Variants in ARL8B observed in about 807,000 individuals in gnomAD.
ARL8B encodes the protein ARF like GTPase 8B, also known as ADP-ribosylation factor-like protein 8B.
ARL8B carries 9 observed loss-of-function variants against 30.6 expected under a neutral mutation model. The observed-to-expected ratio is 0.29, with a 90% confidence interval of 0.18 to 0.51. The LOEUF is 0.51. Among genes scored for constraint, ARL8B ranks in the 20% least tolerant of loss-of-function variants. ARL8B has a pLI of 0.97. For synonymous variants in ARL8B, 74 were observed against 76.0 expected (o/e 0.97, Z 0.14); for missense variants, 130 against 227.2 (o/e 0.57, Z 2.75).
At chr3:5,151,643 A>C (rs1030581651) in intron 1 of ARL8B, among the ~76,000 whole-genome samples, 3 of 151,996 alleles carry the variant, frequency 2.0e-5, no homozygotes, top group Non-Finnish European at 2.9e-5. Context: ...GTTTAATTCC[A>C]TTATGGTGAA....
chr3:5,148,353 G>C lies in ARL8B; in HGVS notation c.124-22150G>C, dbSNP rs1338443595. Among the ~76,000 whole-genome samples the C allele has an allele frequency of 2.6e-5, 4 of 152,190 alleles. No individual in the cohort carries two copies. In the South Asian group the frequency reaches 8.3e-4, roughly 32 times the overall value. Reference sequence around the variant, plus strand: ...TGCTAGATGCCTGCTGTGTGGAAGGGATAGGGAAGTTCTCAGTATCCCTCT... The same window carrying C: ...TGCTAGATGCCTGCTGTGTGGAAGGCATAGGGAAGTTCTCAGTATCCCTCT... On this transcript the variant is annotated intron_variant, in intron 1 of 6. Coordinates refer to ENST00000256496, the MANE Select transcript of ARL8B (RefSeq NM_018184.3).
At chr3:5,125,536 C>CTTT (rs66519927) in intron 1 of ARL8B, among the ~76,000 whole-genome samples, 2 of 141,952 alleles carry the variant, frequency 1.4e-5, no homozygotes, top group African/African-American at 2.6e-5. Context: ...CCACCATTAT[C>CTTT]TTTTTTTTTT....
intron 1 of ARL8B, among the ~76,000 whole-genome samples, chr3:5,168,736 T>G (rs560992806): frequency 7.5e-4 from 115 of 152,338 alleles, no homozygotes; most frequent in Middle Eastern, 3.4e-3. Flanking sequence ...GAGAACACAT[T>G]AAATCATGTT....
intron 1 of ARL8B, among the ~76,000 whole-genome samples, chr3:5,151,016 C>CT (rs1245218352): frequency 6.6e-6 from 1 of 151,684 alleles, no homozygotes; most frequent in East Asian, 1.9e-4. Flanking sequence ...TCTTATTTAT[C>CT]TTTTTTAATG....
chr3:5,140,587 G>A (rs555140999), intron 1 of ARL8B, among the ~76,000 whole-genome samples: 3 of 149,076 alleles, frequency 2.0e-5, no homozygotes, highest in Non-Finnish European at 4.4e-5. Flanking sequence ...ATTTCAACAC[G>A]TTAGTCTTTA....
chr3:5,138,249 A>G (rs1443235024), intron 1 of ARL8B, among the ~76,000 whole-genome samples: 1 of 149,902 alleles, frequency 6.7e-6, no homozygotes, highest in African/African-American at 2.5e-5. Flanking sequence ...ACAACCTCTC[A>G]ATTTATCATG....
chr3:5,137,061 T>C (rs986966205), intron 1 of ARL8B, among the ~76,000 whole-genome samples: 9 of 152,094 alleles, frequency 5.9e-5, no homozygotes, highest in Non-Finnish European at 1.3e-4. Flanking sequence ...TAAAACAGTA[T>C]AGGGTAATGT....
intron 1 of ARL8B, among the ~76,000 whole-genome samples, chr3:5,130,179 TAA>T (rs759802959): frequency 0.12 from 16,161 of 140,216 alleles, 959 homozygotes; most frequent in Non-Finnish European, 0.14. Flanking sequence ...CATATTCTCT[TAA>T]AAAAAAATAT....
chr3:5,168,267 T>G (rs1373690913), intron 1 of ARL8B, among the ~76,000 whole-genome samples: 1 of 152,190 alleles, frequency 6.6e-6, no homozygotes, highest in Admixed American at 6.5e-5. Flanking sequence ...GAGAAGGTTT[T>G]GCCGTGTCAC....
chr3:5,176,902 G>A (rs1381206263), intron 6 of ARL8B, among the ~76,000 whole-genome samples: 2 of 152,118 alleles, frequency 1.3e-5, no homozygotes, highest in Non-Finnish European at 2.9e-5. Flanking sequence ...TAACTAGGAG[G>A]GTGATGCTGG....
intron 5 of ARL8B, 110 bp from the exon 6 acceptor site, chr3:5,174,234 C>T: frequency 9.3e-7 from 1 of 1,069,728 alleles, no homozygotes; most frequent in Middle Eastern, 2.1e-4. Flanking sequence ...TTTAGGATTG[C>T]TACGATGATT....
chr3:5,160,969 A>G (rs2054574825), intron 1 of ARL8B, among the ~76,000 whole-genome samples: 2 of 152,314 alleles, frequency 1.3e-5, no homozygotes, highest in South Asian at 4.1e-4. Flanking sequence ...TCCAGGGTAG[A>G]GTGCAGTGGC....
In ARL8B at chr3:5,180,030, TAGA is replaced by T. The variant is rs2054764767; in HGVS notation, c.*1318_*1320del. 6.5e-6 allele frequency: 1 copy of T among 152,678 alleles called. No homozygotes were observed. The highest frequency in any genetic ancestry group is 2.4e-5 in the African/African-American group (1 of 41,462). 9.5% of individuals were successfully genotyped at this position (152,678 alleles called of 1,614,324 possible). On this transcript the variant is annotated 3_prime_UTR_variant, in exon 7 of 7. Coordinates refer to ENST00000256496, the MANE Select transcript of ARL8B (RefSeq NM_018184.3). ...TTATTATTCATATAGACCACTGTAG[TAGA>T]TAAAACTCTATGGTACACCTGCTTA...
At chr3:5,129,268 G>A (rs1300228236) in intron 1 of ARL8B, among the ~76,000 whole-genome samples, 1 of 151,990 alleles carries the variant, frequency 6.6e-6, no homozygotes, top group Admixed American at 6.6e-5. Flanking sequence ...TCCACCTCTC[G>A]GGTTCAAGCA....
chr3:5,153,200 T>G (rs555444893), intron 1 of ARL8B, among the ~76,000 whole-genome samples: 1 of 152,272 alleles, frequency 6.6e-6, no homozygotes, highest in African/African-American at 2.4e-5. Context: ...ATTGTAGTCA[T>G]TATCGGTAAT....
At chr3:5,151,728 C>CG (rs1317888728) in intron 1 of ARL8B, among the ~76,000 whole-genome samples, 19 of 128,492 alleles carry the variant, frequency 1.5e-4, no homozygotes, top group Admixed American at 8.5e-4. Context: ...CCCACCCCCC[C>CG]CCTTGGAGAT....
intron 1 of ARL8B, among the ~76,000 whole-genome samples, chr3:5,139,215 A>G (rs2054351896): frequency 1.3e-5 from 2 of 152,346 alleles, no homozygotes; most frequent in East Asian, 1.9e-4. Context: ...CTAAAGGACT[A>G]AGAAGTTACA....
At chr3:5,132,537 C>A (rs972466515) in intron 1 of ARL8B, among the ~76,000 whole-genome samples, 2 of 152,134 alleles carry the variant, frequency 1.3e-5, no homozygotes, top group Non-Finnish European at 2.9e-5. Context: ...CTGCGCCCGG[C>A]TCCTCTCATT....
At chr3:5,169,082 A>C (rs1282317369) in intron 1 of ARL8B, among the ~76,000 whole-genome samples, 1 of 152,210 alleles carries the variant, frequency 6.6e-6, no homozygotes, top group Non-Finnish European at 1.5e-5. Flanking sequence ...GTTTTTTAAA[A>C]ATTTTGGTAA....
Sources: allele counts gnomAD v4.1 joint callset (sites outside exome capture counted in the v4.1 genomes callset), GRCh38; gene constraint gnomAD v4.1.1; transcripts MANE v1.5; gene names NCBI Gene and HGNC (gene_info 2026-07-23, HGNC 2026-07-21).